The following UBXN8 variants were observed in gnomAD, a reference collection of about 807,000 sequenced individuals.
The protein encoded by UBXN8 is UBX domain-containing protein 8.
UBXN8 carries 27 observed loss-of-function variants against 32.1 expected under a neutral mutation model. The observed-to-expected ratio is 0.84, with a 90% CI of 0.62 to 1.16. UBXN8 has a LOEUF of 1.16. Among genes scored for constraint, UBXN8 ranks in the 50% most tolerant of loss-of-function variants. The pLI, the probability that UBXN8 is intolerant of heterozygous loss-of-function variation, is 0.00. For synonymous variants in UBXN8, 109 were observed against 111.8 expected (o/e 0.98, Z 0.16); for missense variants, 306 against 311.4 (o/e 0.98, Z 0.13).
chr8:30,751,039 A>G (rs997290110), intron 1 of UBXN8, among the ~76,000 whole-genome samples: 1 of 152,132 alleles, frequency 6.6e-6, no homozygotes, highest in Non-Finnish European at 1.5e-5. Context: ...GTGCCATTTT[A>G]TATCAGGGAC....
intron 1 of UBXN8, among the ~76,000 whole-genome samples, chr8:30,746,408 G>A (rs1053539978): frequency 6.6e-6 from 1 of 151,554 alleles, no homozygotes; most frequent in Non-Finnish European, 1.5e-5. Flanking sequence ...CAGCAGGGCT[G>A]GTTATGCCTA....
intron 4 of UBXN8, 101 bp from the exon 5 acceptor site, chr8:30,756,664 T>A: frequency 6.6e-7 from 1 of 1,509,758 alleles, no homozygotes; most frequent in Non-Finnish European, 8.9e-7. Context: ...TTTCTACTGA[T>A]ATGCCATCAG....
intron 1 of UBXN8, among the ~76,000 whole-genome samples, chr8:30,746,170 T>C (rs774483624): frequency 8.5e-5 from 13 of 152,238 alleles, no homozygotes; most frequent in Non-Finnish European, 1.5e-4. Flanking sequence ...CCTGGGCTCC[T>C]GGCAGCATCT....
chr8:30,732,379 C>T (rs1235861093), upstream of UBXN8: 1 of 392,996 alleles, frequency 2.5e-6, no homozygotes, highest in Non-Finnish European at 4.4e-6. Flanking sequence ...AGGTACGTTA[C>T]TTGGGATTTA....
chr8:30,749,388 G>A lies in UBXN8; in HGVS notation c.89-2008G>A, dbSNP rs1489840320. Among the ~76,000 whole-genome samples, 7 of 44,908 alleles carry A rather than the reference G, an allele frequency of 1.6e-4. No homozygotes were observed. The East Asian group carries it at 2.7e-3, about 18-fold the overall frequency. The allele number at this position is 44,908 out of a possible 152,430, so 29.5% of individuals were successfully genotyped here. A position where few individuals can be genotyped will look rare whatever the true frequency, so the allele number is the denominator to read the frequency against. Reference sequence around the variant, plus strand: ...AGCCTGAGCAACAGACTGAGGCTCCGTCTCAAAAAAAAAAAATAAAATAAA... The same window carrying A: ...AGCCTGAGCAACAGACTGAGGCTCCATCTCAAAAAAAAAAAATAAAATAAA... On this transcript the variant is annotated intron_variant, in intron 1 of 7. Coordinates refer to ENST00000265616, the MANE Select transcript of UBXN8 (RefSeq NM_005671.4).
At chr8:30,739,740 A>T (rs372552195), upstream of UBXN8, among the ~76,000 whole-genome samples, 10 of 152,266 alleles carry the variant, frequency 6.6e-5, no homozygotes, top group African/African-American at 2.2e-4. Flanking sequence ...TTATAACAAC[A>T]TGTGAATTTA....
chr8:30,744,204 G>T lies in UBXN8; in HGVS notation c.15G>T (p.Gly5=), dbSNP rs766306282. 6.2e-7 allele frequency: 1 copy of T among 1,613,476 alleles called. No individual in the cohort carries two copies. Among genetic ancestry groups the T allele is most frequent in the African/African-American group, 1.3e-5 (1 of 74,942 alleles). Reference sequence around the variant, plus strand: ...CTTCCGCCACCATGGCTTCACGTGGGGTTGTTGGCATTTTCTTCCTCTCTG... The same window carrying T: ...CTTCCGCCACCATGGCTTCACGTGGTGTTGTTGGCATTTTCTTCCTCTCTG... MASR[G]VVGIFFLSAV... The change falls in exon 1 of 8, where the codon GGG becomes GGT. Residue 5 remains glycine, a synonymous_variant. Coordinates refer to ENST00000265616, the MANE Select transcript of UBXN8 (RefSeq NM_005671.4).
chr8:30,729,275 C>G (rs1437812768), upstream of UBXN8, among the ~76,000 whole-genome samples: 1 of 152,200 alleles, frequency 6.6e-6, no homozygotes, highest in Non-Finnish European at 1.5e-5. Context: ...GGCAGGCCCC[C>G]GTGGAGTATC....
chr8:30,752,247 T>G (rs906959690), intron 2 of UBXN8, among the ~76,000 whole-genome samples: 1 of 152,214 alleles, frequency 6.6e-6, no homozygotes, highest in Non-Finnish European at 1.5e-5. Flanking sequence ...ATTCTAGCAG[T>G]TTTTACTTAG....
At chr8:30,753,754 A>G (rs1026054505) in intron 3 of UBXN8, among the ~76,000 whole-genome samples, 2 of 144,968 alleles carry the variant, frequency 1.4e-5, no homozygotes, top group African/African-American at 5.1e-5. Flanking sequence ...ATAATATTCC[A>G]TTGAATAGAT....
intron 1 of UBXN8, among the ~76,000 whole-genome samples, chr8:30,734,552 C>T (rs1201729916): frequency 6.6e-6 from 1 of 151,784 alleles, no homozygotes; most frequent in East Asian, 1.9e-4. Context: ...CCCAGGAATT[C>T]AAGGTTACAG....
chr8:30,752,132 C>G (rs1017065954), intron 2 of UBXN8, among the ~76,000 whole-genome samples: 9 of 152,140 alleles, frequency 5.9e-5, no homozygotes, highest in Non-Finnish European at 1.3e-4. Context: ...CCTCGTGATC[C>G]GCCCACCTCG....
intron 4 of UBXN8, among the ~76,000 whole-genome samples, chr8:30,755,621 T>C (rs1586100502): frequency 6.6e-6 from 1 of 151,746 alleles, no homozygotes; most frequent in African/African-American, 2.4e-5. Context: ...CCAGACGTGG[T>C]AGTGTGTGGC....
chr8:30,742,880 A>C (rs1343615761), upstream of UBXN8, among the ~76,000 whole-genome samples: 1 of 151,142 alleles, frequency 6.6e-6, no homozygotes. Flanking sequence ...TTACAGGGCT[A>C]TCTTTCCCAG....
At chr8:30,743,397 GC>G (rs1392491626), upstream of UBXN8, among the ~76,000 whole-genome samples, 1 of 147,558 alleles carries the variant, frequency 6.8e-6, no homozygotes, top group African/African-American at 2.5e-5. Flanking sequence ...CTTGTGATCC[GC>G]CCGCCTCGGC....
intron 2 of UBXN8, among the ~76,000 whole-genome samples, chr8:30,752,144 C>T (rs1805536675): frequency 6.6e-6 from 1 of 152,216 alleles, no homozygotes. Context: ...CCCACCTCGG[C>T]CTCCCGATGT....
intron 5 of UBXN8, among the ~76,000 whole-genome samples, chr8:30,759,050 C>T (rs1805754874): frequency 2.0e-5 from 3 of 151,468 alleles, no homozygotes; most frequent in South Asian, 2.1e-4. Flanking sequence ...CCCGCCACCA[C>T]GCCCGGCTAA....
At chr8:30,750,063 C>T (rs1805479134) in intron 1 of UBXN8, among the ~76,000 whole-genome samples, 2 of 152,148 alleles carry the variant, frequency 1.3e-5, no homozygotes. Flanking sequence ...ATGCTCTGTA[C>T]ATTTGTTCTG....
At chr8:30,762,367 T>C (rs1171497287) in intron 6 of UBXN8, among the ~76,000 whole-genome samples, 1 of 148,926 alleles carries the variant, frequency 6.7e-6, no homozygotes, top group Admixed American at 6.8e-5. Flanking sequence ...TGAGTCACTG[T>C]GCCTGATGGG....
Sources: allele counts gnomAD v4.1 joint callset (sites outside exome capture counted in the v4.1 genomes callset), GRCh38; gene constraint gnomAD v4.1.1; transcripts MANE v1.5; gene names NCBI Gene and HGNC (gene_info 2026-07-23, HGNC 2026-07-21).